Variants in LRMDA observed in about 807,000 individuals in gnomAD.
The protein encoded by LRMDA is leucine rich melanocyte differentiation associated.
A neutral mutation model predicts 29.8 loss-of-function variants in LRMDA; 18 were observed. That is an observed-to-expected ratio of 0.60 (90% CI 0.42 to 0.90). LRMDA has a LOEUF of 0.90. Among genes scored for constraint, LRMDA ranks in the 40% least tolerant of loss-of-function variants. LRMDA has a pLI of 0.00. For missense variants in LRMDA, 273 were observed against 273.9 expected (o/e 1.00, Z 0.02); for synonymous variants, 125 against 109.4 (o/e 1.14, Z -0.89).
intron 2 of LRMDA, among the ~76,000 whole-genome samples, chr10:75,784,337 C>G (rs937408792): frequency 6.6e-6 from 1 of 152,154 alleles, no homozygotes; most frequent in African/African-American, 2.4e-5. Context: ...CAAAACAAAA[C>G]ATGTAAAAGA....
chr10:75,885,004 A>T lies in LRMDA; in HGVS notation c.132-151004A>T, dbSNP rs1845361119. The stretch of plus-strand genomic sequence containing the variant: ...GGAGGCCCAGGGAGCACTGCAGTTC[A>T]GGAGGCCTGGGGAGAACTCCAGTTC... On this transcript the variant is annotated intron_variant, in intron 2 of 6. Transcript: ENST00000611255. Among the ~76,000 whole-genome samples the T allele has an allele frequency of 1.3e-5, 2 of 151,676 alleles. 1 individual carries two copies. Among genetic ancestry groups the T allele is most frequent in the South Asian group, 4.2e-4 (2 of 4,798 alleles).
intron 6 of LRMDA, among the ~76,000 whole-genome samples, chr10:76,524,125 C>T (rs951048225): frequency 5.3e-5 from 8 of 152,126 alleles, no homozygotes; most frequent in African/African-American, 1.7e-4. Flanking sequence ...CAGAGGGAAC[C>T]GGGAGGTTTG....
chr10:75,458,765 A>T lies in LRMDA; in HGVS notation c.131+20271A>T, dbSNP rs545780648. 2.6e-5 allele frequency among the ~76,000 whole-genome samples: 4 copies of T among 152,288 alleles called. No individual in the cohort carries two copies. The East Asian group carries it at 7.7e-4, about 29-fold the overall frequency. On this transcript the variant is annotated intron_variant, in intron 2 of 6. Coordinates refer to ENST00000611255, the MANE Select transcript of LRMDA (RefSeq NM_001305581.2). ...TGATGGGACAAGCTTTCCGTCAGGT[A>T]GCAGGAGGAACTAAATTTACTCTTC...
intron 2 of LRMDA, among the ~76,000 whole-genome samples, chr10:75,489,525 C>A (rs1024972909): frequency 6.6e-6 from 1 of 152,160 alleles, no homozygotes; most frequent in Non-Finnish European, 1.5e-5. Flanking sequence ...GGAAGTTGGG[C>A]CCTGTATGTG....
intron 5 of LRMDA, among the ~76,000 whole-genome samples, chr10:76,087,152 AC>A (rs34450067): frequency 6.6e-6 from 1 of 152,118 alleles, no homozygotes; most frequent in Non-Finnish European, 1.5e-5. Context: ...ATGCCAGTGC[AC>A]CCCAGTGTCA....
At chr10:76,239,963 T>G (rs988633031) in intron 5 of LRMDA, among the ~76,000 whole-genome samples, 1 of 151,962 alleles carries the variant, frequency 6.6e-6, no homozygotes, top group African/African-American at 2.4e-5. Context: ...TGTCGAATTA[T>G]TACATTGTAC....
At chr10:75,537,092 G>A (rs775702208) in intron 2 of LRMDA, among the ~76,000 whole-genome samples, 1 of 152,150 alleles carries the variant, frequency 6.6e-6, no homozygotes, top group Non-Finnish European at 1.5e-5. Context: ...GAACTTTTAT[G>A]CCCAAACTAG....
At chr10:76,364,863 C>A (rs1033256571) in intron 6 of LRMDA, among the ~76,000 whole-genome samples, 1 of 151,440 alleles carries the variant, frequency 6.6e-6, no homozygotes, top group East Asian at 1.9e-4. Context: ...CCATCCTTCC[C>A]CCCAAGTCCC....
At chr10:76,006,595 AG>A (rs1218379914) in intron 2 of LRMDA, among the ~76,000 whole-genome samples, 1 of 152,180 alleles carries the variant, frequency 6.6e-6, no homozygotes, top group Non-Finnish European at 1.5e-5. Context: ...CAACCAATCT[AG>A]GGGAAAAAAA....
intron 6 of LRMDA, among the ~76,000 whole-genome samples, chr10:76,547,352 G>A (rs1392438582): frequency 6.6e-6 from 1 of 152,092 alleles, no homozygotes; most frequent in Middle Eastern, 3.2e-3. Flanking sequence ...CCAAAATGGG[G>A]GGCAAGGAGT....
chr10:76,009,832 A>G, intron 2 of LRMDA, among the ~76,000 whole-genome samples: 1 of 148,932 alleles, frequency 6.7e-6, no homozygotes, highest in Admixed American at 6.7e-5. Flanking sequence ...TTGCCGAGCA[A>G]CCCCCCTCAC....
chr10:75,753,771 G>A (rs1037844853), intron 2 of LRMDA, among the ~76,000 whole-genome samples: 2 of 152,234 alleles, frequency 1.3e-5, no homozygotes, highest in Non-Finnish European at 2.9e-5. Flanking sequence ...CTGGCTGCAG[G>A]TTAGAAATGA....
intron 5 of LRMDA, among the ~76,000 whole-genome samples, chr10:76,218,932 G>A (rs1216042067): frequency 6.6e-6 from 1 of 152,166 alleles, no homozygotes; most frequent in East Asian, 1.9e-4. Context: ...TGTCCTTGCC[G>A]AGGAAACAGA....
In LRMDA at chr10:76,289,896, A is replaced by G. The variant is rs190243378; in HGVS notation, c.517-34505A>G. 3.7e-3 allele frequency among the ~76,000 whole-genome samples: 559 copies of G among 152,288 alleles called. 5 individuals are homozygous for G. The highest frequency in any genetic ancestry group is 6.6e-3 in the Admixed American group (101 of 15,290). On this transcript the variant is annotated intron_variant, in intron 5 of 6. Coordinates refer to ENST00000611255, the MANE Select transcript of LRMDA (RefSeq NM_001305581.2). ...TTATTCCGAAGAACCACGATCATCTAGAGGAAAACAGAGGAAGTTTCACTG... is the reference window on the plus strand; with the variant it reads ...TTATTCCGAAGAACCACGATCATCTGGAGGAAAACAGAGGAAGTTTCACTG...
chr10:75,895,759 C>T (rs1354059043), intron 2 of LRMDA, among the ~76,000 whole-genome samples: 4 of 152,156 alleles, frequency 2.6e-5, no homozygotes, highest in African/African-American at 9.7e-5. Context: ...GGCAGAAGGC[C>T]TTTCTGAAAT....
intron 6 of LRMDA, among the ~76,000 whole-genome samples, chr10:76,345,060 CT>C (rs60233969): frequency 0.18 from 14,218 of 77,614 alleles, 132 homozygotes; most frequent in Middle Eastern, 0.33. Flanking sequence ...AACACAAAAC[CT>C]TTTTTTTTTT....
At chr10:75,697,873 C>T (rs1243544061) in intron 2 of LRMDA, among the ~76,000 whole-genome samples, 1 of 121,046 alleles carries the variant, frequency 8.3e-6, no homozygotes, top group Non-Finnish European at 1.8e-5. Flanking sequence ...GTGTCTCATT[C>T]GCGCTCTAGA....
chr10:75,467,673 G>A (rs533425191), intron 2 of LRMDA, among the ~76,000 whole-genome samples: 15 of 152,116 alleles, frequency 9.9e-5, no homozygotes, highest in Admixed American at 2.6e-4. Flanking sequence ...CATCAAGATC[G>A]CAAAGTTGGG....
At chr10:76,104,974 C>T in intron 5 of LRMDA, among the ~76,000 whole-genome samples, 1 of 152,168 alleles carries the variant, frequency 6.6e-6, no homozygotes, top group Non-Finnish European at 1.5e-5. Flanking sequence ...ATTCTCTCTG[C>T]CTGCAAGTGT....
Sources: gnomAD v4.1 joint callset for allele counts (sites outside exome capture counted in the v4.1 genomes callset) on GRCh38, gnomAD v4.1.1 for gene constraint, MANE v1.5 for transcripts, NCBI Gene and HGNC (gene_info 2026-07-23, HGNC 2026-07-21) for gene names.